The following PRICKLE2 variants were observed in gnomAD, a reference collection of about 807,000 sequenced individuals.
PRICKLE2 encodes prickle planar cell polarity protein 2, also known as prickle-like protein 2.
PRICKLE2 carries 21 observed loss-of-function variants against 81.4 expected under a neutral mutation model. That is an observed-to-expected ratio of 0.26 (90% CI 0.18 to 0.37). The LOEUF is 0.37. PRICKLE2 is among the 10% of genes least tolerant of loss of function. The pLI, the probability that PRICKLE2 is intolerant of heterozygous loss-of-function variation, is 1.00. For synonymous variants in PRICKLE2, 456 were observed against 421.5 expected (o/e 1.08, Z -1.00); for missense variants, 940 against 1,109.0 (o/e 0.85, Z 2.16).
intron 4 of PRICKLE2, among the ~76,000 whole-genome samples, chr3:64,157,891 T>C (rs1323900824): frequency 1.3e-5 from 2 of 152,246 alleles, no homozygotes; most frequent in Admixed American, 1.3e-4. Context: ...GGCATGCTTT[T>C]AGTCTGCTTC....
chr3:64,167,844 G>A (rs903244532), intron 2 of PRICKLE2, among the ~76,000 whole-genome samples: 2 of 152,188 alleles, frequency 1.3e-5, no homozygotes, highest in African/African-American at 2.4e-5. Context: ...TAGTAGGCCC[G>A]GGATGGGGAC....
chr3:64,113,764 A>AC (rs1226441112), intron 7 of PRICKLE2, among the ~76,000 whole-genome samples: 1 of 151,172 alleles, frequency 6.6e-6, no homozygotes, highest in Non-Finnish European at 1.5e-5. Flanking sequence ...AACAGCGGAC[A>AC]CCCCCACACC....
intron 2 of PRICKLE2, among the ~76,000 whole-genome samples, chr3:64,165,383 G>A (rs758670565): frequency 2.0e-5 from 3 of 152,184 alleles, no homozygotes; most frequent in Non-Finnish European, 4.4e-5. Context: ...TTATGTGGCT[G>A]TTCAAAATAC....
At chr3:64,164,245 T>C (rs566022712) in intron 2 of PRICKLE2, among the ~76,000 whole-genome samples, 98 of 152,190 alleles carry the variant, frequency 6.4e-4, no homozygotes, top group African/African-American at 2.1e-3. Flanking sequence ...GGCCTGGTGG[T>C]GCATGCCTGT....
rs756730493 is a variant in PRICKLE2, at chr3:64,147,236, G to A, written c.1254C>T (p.Leu418=). The A allele has an allele frequency of 8.1e-6, 13 of 1,609,232 alleles. No homozygotes were observed. The East Asian group carries it at 8.9e-5, about 11-fold the overall frequency. The change falls in exon 7 of 8, where the codon CTC becomes CTT. Residue 418 remains leucine (L), a synonymous_variant. Transcript: ENST00000638394. The surrounding 1 kb of genome is among the most constrained non-coding windows in gnomAD (Gnocchi z 5.0). Reference sequence around the variant, plus strand: ...AAGTTCTGATGTTGCACTGGCTGAGGAGCTGCAGAGGGCTCTGGGTCTGGT... The same window carrying A: ...AAGTTCTGATGTTGCACTGGCTGAGAAGCTGCAGAGGGCTCTGGGTCTGGT... ...EQNQTQSPLQ[L]LSQCNIRTSY...
At chr3:64,155,566 G>C (rs2077621246) in intron 5 of PRICKLE2, among the ~76,000 whole-genome samples, 1 of 152,048 alleles carries the variant, frequency 6.6e-6, no homozygotes, top group South Asian at 2.1e-4. Context: ...AAAAATATAT[G>C]TACACACAGA....
chr3:64,215,405 T>G (rs2078856302), intron 1 of PRICKLE2, among the ~76,000 whole-genome samples: 2 of 152,292 alleles, frequency 1.3e-5, no homozygotes, highest in Middle Eastern at 3.4e-3. Flanking sequence ...TTCCTTAACA[T>G]CAGACGCCAT....
At position 64,099,445 on chromosome 3, in the gene PRICKLE2, C is replaced by T; in HGVS notation, c.2141G>A (p.Arg714Lys). The change falls in exon 8 of 8, where the codon AGG becomes AAG. Residue 714 changes from arginine to lysine, a missense_variant. Arg to Lys is a conservative substitution (Grantham distance 26). Coordinates refer to ENST00000638394, the MANE Select transcript of PRICKLE2 (RefSeq NM_198859.4). This position sits in a 1 kb window ranked among gnomAD's most constrained non-coding sequence, Gnocchi z 4.3. ...EREAISRLKD[R>K]PPLRAREDYD... is the part of the protein sequence containing the mutation. Reference sequence around the variant, plus strand: ...GTCCTCCCTGGCTCTCAGAGGGGGCCTATCTTTTAACCGGGAGATGGCCTC... The same window carrying T: ...GTCCTCCCTGGCTCTCAGAGGGGGCTTATCTTTTAACCGGGAGATGGCCTC... The T allele has an allele frequency of 1.9e-6, 3 of 1,586,704 alleles. No homozygotes were observed. The highest frequency in any genetic ancestry group is 2.6e-6 in the Non-Finnish European group (3 of 1,163,398).
At chr3:64,161,604 A>G (rs2077735181) in intron 3 of PRICKLE2, among the ~76,000 whole-genome samples, 1 of 152,092 alleles carries the variant, frequency 6.6e-6, no homozygotes, top group Non-Finnish European at 1.5e-5. Flanking sequence ...CCAATGGGAC[A>G]TTGTAATCTG....
intron 7 of PRICKLE2, among the ~76,000 whole-genome samples, chr3:64,115,859 T>A (rs1201508243): frequency 6.6e-6 from 1 of 152,180 alleles, no homozygotes; most frequent in Non-Finnish European, 1.5e-5. Flanking sequence ...GATAGATATC[T>A]ATAGAACTCT....
Position 64,173,828 on chromosome 3 carries a change from C to G in PRICKLE2, c.145-10699G>C, listed in dbSNP as rs891245875. Among the ~76,000 whole-genome samples, 10 of 152,310 alleles carry G rather than the reference C, an allele frequency of 6.6e-5. No homozygotes were observed. In the East Asian group the frequency reaches 1.9e-3, roughly 29 times the overall value. On this transcript the variant is annotated intron_variant, in intron 2 of 7. Transcript: ENST00000638394. ...CAGAATAGTCACAGCTCTTCTGTCT[C>G]CCAGCCTTTTCCGAATCTCCAGAAT...
At chr3:64,197,832 T>C (rs1158549174) in intron 2 of PRICKLE2, among the ~76,000 whole-genome samples, 2 of 151,960 alleles carry the variant, frequency 1.3e-5, no homozygotes, top group African/African-American at 2.4e-5. Flanking sequence ...AACTTGCACA[T>C]GTACCCATGA....
At chr3:64,133,263 A>C (rs565925973) in intron 7 of PRICKLE2, among the ~76,000 whole-genome samples, 44 of 152,290 alleles carry the variant, frequency 2.9e-4, no homozygotes, top group African/African-American at 1.0e-3. Context: ...GGACCTGGAC[A>C]TGTACGGCTC....
In PRICKLE2 at chr3:64,133,453, A is replaced by T. The variant is rs2077228346; in HGVS notation, c.1660+13377T>A. Among the ~76,000 whole-genome samples the T allele has an allele frequency of 5.3e-5, 8 of 152,132 alleles. No homozygotes were observed. In the South Asian group the frequency reaches 1.7e-3, roughly 32 times the overall value. Reference sequence around the variant, plus strand: ...ATGATCTCAGTGGAAAACTTCCATTACTGTACTCTCCTCATTGTCTTCCTC... The same window carrying T: ...ATGATCTCAGTGGAAAACTTCCATTTCTGTACTCTCCTCATTGTCTTCCTC... On this transcript the variant is annotated intron_variant, in intron 7 of 7. Transcript: ENST00000638394.
intron 2 of PRICKLE2, among the ~76,000 whole-genome samples, chr3:64,183,985 C>A (rs2078178371): frequency 6.6e-6 from 1 of 152,162 alleles, no homozygotes; most frequent in Non-Finnish European, 1.5e-5. Flanking sequence ...CATGTACGTT[C>A]TCTGAGACTG....
intron 2 of PRICKLE2, 28 bp downstream of exon 2, chr3:64,198,756 A>G (rs1264381155): frequency 1.9e-6 from 3 of 1,612,330 alleles, no homozygotes; most frequent in Non-Finnish European, 2.5e-6. Flanking sequence ...CACCCAAACC[A>G]CCAGCATGCT....
chr3:64,163,663 T>C (rs2077771592), intron 2 of PRICKLE2: 3 of 179,188 alleles, frequency 1.7e-5, no homozygotes, highest in Non-Finnish European at 3.6e-5. Context: ...CCATCAGAAA[T>C]AGACTCACTA....
intron 2 of PRICKLE2, chr3:64,174,500 A>T (rs1277915571): frequency 1.3e-5 from 2 of 152,416 alleles, no homozygotes; most frequent in African/African-American, 4.8e-5. Flanking sequence ...TCTGGGGAAA[A>T]CATGCTTGAC....
At chr3:64,223,761 T>C (rs1306011053) in intron 1 of PRICKLE2, among the ~76,000 whole-genome samples, 1 of 152,280 alleles carries the variant, frequency 6.6e-6, no homozygotes, top group East Asian at 1.9e-4. Context: ...CTGGAGCCCT[T>C]GGGGACCCTC....
Sources: allele counts gnomAD v4.1 joint callset (sites outside exome capture counted in the v4.1 genomes callset), GRCh38; gene constraint gnomAD v4.1.1; non-coding constraint Gnocchi (gnomAD v3.1); transcripts MANE v1.5; gene names NCBI Gene and HGNC (gene_info 2026-07-23, HGNC 2026-07-21).